The following SLCO6A1 variants were observed in gnomAD, a reference collection of about 807,000 sequenced individuals.
SLCO6A1 encodes cancer/testis antigen 48.
Under a neutral mutation model 72.7 loss-of-function variants are expected in SLCO6A1, and 65 were observed. That is an observed-to-expected ratio of 0.89 (90% confidence interval 0.73 to 1.10). The LOEUF (loss-of-function observed/expected upper bound fraction) is 1.10, where lower values mean the gene tolerates loss of function less well. Among genes scored for constraint, SLCO6A1 ranks in the 50% least tolerant of loss-of-function variants. The probability of loss-of-function intolerance (pLI) is 0.00; values close to 1 mark genes in which losing one functional copy is unlikely to be tolerated. For synonymous variants in SLCO6A1, 314 were observed against 298.2 expected (o/e 1.05, Z -0.55); for missense variants, 874 against 872.6 (o/e 1.00, Z -0.02).
rs1410483178 is a variant in SLCO6A1, at chr5:102,468,771, TC to T, written c.899+6925del. ...GAAGACAGCAGATACTTCGTTTTCT[TC>T]TAGGGTTTTTATGGTTTTAGGTCTT... On this transcript the variant is annotated intron_variant, in intron 4 of 13. Coordinates refer to ENST00000506729, the MANE Select transcript of SLCO6A1 (RefSeq NM_173488.5). Among the ~76,000 whole-genome samples, 3 of 152,260 alleles carry T rather than the reference TC, an allele frequency of 2.0e-5. No individual in the cohort carries two copies. In the East Asian group the frequency reaches 5.8e-4, roughly 29 times the overall value.
chr5:102,444,789 T>G (rs1323225792), intron 6 of SLCO6A1, among the ~76,000 whole-genome samples: 1 of 152,192 alleles, frequency 6.6e-6, no homozygotes, highest in African/African-American at 2.4e-5. Context: ...ATTTTAGGTT[T>G]GTTACATGGG....
intron 6 of SLCO6A1, among the ~76,000 whole-genome samples, chr5:102,449,798 T>C (rs1334733038): frequency 3.3e-5 from 5 of 152,230 alleles, no homozygotes; most frequent in Middle Eastern, 3.2e-3. Context: ...CAGTGAGTCA[T>C]AGACTTGGTC....
intron 7 of SLCO6A1, among the ~76,000 whole-genome samples, chr5:102,426,270 G>A (rs1041307146): frequency 6.6e-6 from 1 of 152,170 alleles, no homozygotes; most frequent in Non-Finnish European, 1.5e-5. Context: ...TTGACAAATG[G>A]AATCTAATTA....
chr5:102,410,601 A>G (rs1747921710), intron 9 of SLCO6A1, among the ~76,000 whole-genome samples: 1 of 152,212 alleles, frequency 6.6e-6, no homozygotes, highest in Non-Finnish European at 1.5e-5. Flanking sequence ...TTGGGATATT[A>G]AAAAATTAAC....
intron 13 of SLCO6A1, 135 bp downstream of exon 13, chr5:102,373,202 A>G: frequency 2.2e-6 from 1 of 463,346 alleles, no homozygotes; most frequent in Non-Finnish European, 3.1e-6. Flanking sequence ...ATATTATTAT[A>G]TTTGCACTCA....
chr5:102,443,687 G>A (rs1002752278), intron 6 of SLCO6A1, among the ~76,000 whole-genome samples: 8 of 152,210 alleles, frequency 5.3e-5, no homozygotes, highest in African/African-American at 1.7e-4. Context: ...AAGGGACTGT[G>A]AGAATAGCAA....
At chr5:102,485,827 T>G (rs958467307) in intron 1 of SLCO6A1, among the ~76,000 whole-genome samples, 2 of 152,192 alleles carry the variant, frequency 1.3e-5, no homozygotes, top group Non-Finnish European at 2.9e-5. Context: ...ACTGTGGTCT[T>G]AGGGGCTTCT....
intron 3 of SLCO6A1, among the ~76,000 whole-genome samples, chr5:102,476,714 A>G (rs899526727): frequency 2.6e-5 from 4 of 152,146 alleles, no homozygotes; most frequent in South Asian, 2.1e-4. Context: ...TATATTTAAT[A>G]TAACTAGAAA....
Position 102,393,640 on chromosome 5 carries a change from TCTGTCTAC to T in SLCO6A1, c.1815-2603_1815-2596del, listed in dbSNP as rs752613727. On this transcript the variant is annotated intron_variant, in intron 10 of 13. Transcript: ENST00000506729. Reference sequence around the variant, plus strand: ...TTATTAGTAAAACTACATTTTTTTTTCTGTCTACCTTGTTACATCTAACATGCATCAGA... The same window carrying T: ...TTATTAGTAAAACTACATTTTTTTTTCTTGTTACATCTAACATGCATCAGA... 1.7e-3 allele frequency among the ~76,000 whole-genome samples: 262 copies of T among 152,300 alleles called. 3 individuals are homozygous for T. The highest frequency in any genetic ancestry group is 3.4e-3 in the Middle Eastern group (1 of 294).
intron 9 of SLCO6A1, among the ~76,000 whole-genome samples, chr5:102,406,955 A>G (rs1561435031): frequency 6.6e-6 from 1 of 152,310 alleles, no homozygotes. Context: ...AGAAATGACT[A>G]TTTGTAGTCT....
At chr5:102,477,059 G>A (rs1300181562) in intron 3 of SLCO6A1, among the ~76,000 whole-genome samples, 1 of 152,032 alleles carries the variant, frequency 6.6e-6, no homozygotes, top group Non-Finnish European at 1.5e-5. Flanking sequence ...ACACATATAT[G>A]AATATACATA....
At position 102,498,509 on chromosome 5, in the gene SLCO6A1, G is replaced by A; in HGVS notation, c.336C>T (p.Tyr112=). The A allele has an allele frequency of 3.1e-6, 5 of 1,613,856 alleles. No homozygotes were observed. The highest frequency in any genetic ancestry group is 4.2e-6 in the Non-Finnish European group (5 of 1,179,864). ...CNNIRCFMIF[Y]CILLICQGVV... ...CACCTTGACATATGAGCAGGATGCA[G>A]TAGAAAATCATGAAGCAGCGAATGT... is the stretch of plus-strand genomic sequence containing the variant. Residue 112 remains tyrosine (Y), a synonymous_variant, in exon 1 of 14, where the codon TAC becomes TAT. Transcript: ENST00000506729.
At chr5:102,444,303 T>G (rs1749994710) in intron 6 of SLCO6A1, among the ~76,000 whole-genome samples, 1 of 152,062 alleles carries the variant, frequency 6.6e-6, no homozygotes, top group South Asian at 2.1e-4. Flanking sequence ...CCCAACTAAT[T>G]TCTAGAATTT....
At chr5:102,449,751 A>C (rs1164794615) in intron 6 of SLCO6A1, among the ~76,000 whole-genome samples, 1 of 152,176 alleles carries the variant, frequency 6.6e-6, no homozygotes, top group East Asian at 1.9e-4. Flanking sequence ...TATGTTTTCC[A>C]AGTTGCTTGC....
intron 10 of SLCO6A1, among the ~76,000 whole-genome samples, chr5:102,396,144 A>C (rs1227927282): frequency 6.6e-6 from 1 of 152,134 alleles, no homozygotes; most frequent in Non-Finnish European, 1.5e-5. Context: ...GGTATTGCCT[A>C]GGTTTTCTTC....
At chr5:102,488,518 T>C (rs967951975) in intron 1 of SLCO6A1, among the ~76,000 whole-genome samples, 1 of 152,220 alleles carries the variant, frequency 6.6e-6, no homozygotes, top group Non-Finnish European at 1.5e-5. Context: ...AATAATTCAA[T>C]TCTCTCATTC....
In SLCO6A1 at chr5:102,396,211, T is replaced by C. The variant is rs186957043; in HGVS notation, c.1814+3344A>G. Among the ~76,000 whole-genome samples the C allele has an allele frequency of 7.3e-3, 1,108 of 152,210 alleles. 12 individuals carry two copies. The highest frequency in any genetic ancestry group is 0.025 in the African/African-American group (1,055 of 41,534). On this transcript the variant is annotated intron_variant, in intron 10 of 13. Transcript: ENST00000506729. ...AAGTGTTTAATCTATCTTGAATTAA[T>C]TTTTGTATAAGGTGTAAGGAAGGGA...
At chr5:102,484,352 C>T (rs1292941680) in intron 1 of SLCO6A1, among the ~76,000 whole-genome samples, 2 of 151,982 alleles carry the variant, frequency 1.3e-5, no homozygotes, top group African/African-American at 4.8e-5. Flanking sequence ...AATATTATAT[C>T]AAAAGTCATA....
intron 4 of SLCO6A1, 53 bp from the exon 5 acceptor site, chr5:102,459,830 C>T (rs1037494753): frequency 4.8e-6 from 7 of 1,459,040 alleles, no homozygotes; most frequent in Non-Finnish European, 6.4e-6. Context: ...TTGATTACAA[C>T]AAAACCATAA....
Sources: allele counts gnomAD v4.1 joint callset (sites outside exome capture counted in the v4.1 genomes callset), GRCh38; gene constraint gnomAD v4.1.1; transcripts MANE v1.5; gene names NCBI Gene and HGNC (gene_info 2026-07-23, HGNC 2026-07-21).